KATNAL1: variants seen among roughly 807,000 people sequenced by gnomAD.
KATNAL1 encodes katanin catalytic subunit A1 like 1.
In KATNAL1, 32 loss-of-function variants were observed where a neutral mutation model predicts 55.2. That is an observed-to-expected ratio of 0.58 (90% confidence interval 0.44 to 0.78). The LOEUF (loss-of-function observed/expected upper bound fraction) is 0.78, where lower values mean the gene tolerates loss of function less well. KATNAL1 is among the 30% of genes least tolerant of loss of function. KATNAL1 has a pLI of 0.00. For synonymous variants in KATNAL1, 193 were observed against 193.6 expected, an observed-to-expected ratio of 1.00 and a Z score of 0.02; for missense variants, 466 against 600.9, an observed-to-expected ratio of 0.78 and a Z score of 2.35.
At chr13:30,275,482 A>G (rs867304368) in intron 3 of KATNAL1, among the ~76,000 whole-genome samples, 2 of 152,174 alleles carry the variant, frequency 1.3e-5, no homozygotes, top group South Asian at 2.1e-4. Context: ...CATCAAAACC[A>G]TATTACTCAC....
At chr13:30,283,550 T>A (rs1337931364) in intron 2 of KATNAL1, 66 bp downstream of exon 2, 2 of 1,442,074 alleles carry the variant, frequency 1.4e-6, no homozygotes, top group Non-Finnish European at 1.9e-6. Context: ...ATTTTCCAAC[T>A]CTAATCTCTC....
chr13:30,262,535 A>T (rs1199320653), intron 3 of KATNAL1, among the ~76,000 whole-genome samples: 4 of 152,198 alleles, frequency 2.6e-5, no homozygotes, highest in Non-Finnish European at 5.9e-5. Flanking sequence ...GGTAAAGGGG[A>T]TATCACCACC....
At chr13:30,288,753 T>C (rs1881953918) in intron 1 of KATNAL1, among the ~76,000 whole-genome samples, 1 of 152,204 alleles carries the variant, frequency 6.6e-6, no homozygotes, top group Non-Finnish European at 1.5e-5. Flanking sequence ...AAGTTTGCAA[T>C]AAAGCCTTAC....
intron 4 of KATNAL1, among the ~76,000 whole-genome samples, chr13:30,251,878 G>GA (rs1351083828): frequency 6.6e-6 from 1 of 152,120 alleles, no homozygotes; most frequent in Non-Finnish European, 1.5e-5. Context: ...CCTCAGGGGG[G>GA]AAAATGATAA....
intron 6 of KATNAL1, among the ~76,000 whole-genome samples, chr13:30,237,312 T>TA (rs1487044559): frequency 1.3e-5 from 2 of 152,190 alleles, no homozygotes; most frequent in Admixed American, 6.5e-5. Flanking sequence ...GAATCACATA[T>TA]AAATCCTCAA....
chr13:30,252,050 T>G (rs888657255), intron 4 of KATNAL1, among the ~76,000 whole-genome samples: 4 of 152,200 alleles, frequency 2.6e-5, no homozygotes, highest in African/African-American at 9.6e-5. Context: ...AAGAAGACAG[T>G]AAGCATTTTC....
intron 9 of KATNAL1, among the ~76,000 whole-genome samples, chr13:30,216,436 ATTGAG>A (rs1470451167): frequency 1.3e-5 from 2 of 152,122 alleles, no homozygotes; most frequent in East Asian, 1.9e-4. Flanking sequence ...CTGTTTCTGT[ATTGAG>A]TTATGTTTCA....
At chr13:30,231,245 A>G (rs1876062772) in intron 7 of KATNAL1, 69 bp downstream of exon 7, 7 of 1,251,220 alleles carry the variant, frequency 5.6e-6, no homozygotes, top group Non-Finnish European at 7.6e-6. Flanking sequence ...CCAGGTGGAC[A>G]GAACTGATTT....
rs1873291313 is a variant in KATNAL1, at chr13:30,207,840, C to T, written c.*700G>A. On this transcript the variant is annotated 3_prime_UTR_variant, in exon 11 of 11. Transcript: ENST00000380615. ...ATCTAATGCAGTAATATTCTTCCCA[C>T]CTTTCCATATTAAATGTAAGAAGCA... 6.6e-6 allele frequency: 1 copy of T among 152,144 alleles called. No individual in the cohort carries two copies. The highest frequency in any genetic ancestry group is 2.4e-5 in the African/African-American group (1 of 41,424). 9.4% of individuals were successfully genotyped at this position (152,144 alleles called of 1,614,324 possible). A position where few individuals can be genotyped will look rare whatever the true frequency, so the allele number is the denominator to read the frequency against.
intron 1 of KATNAL1, among the ~76,000 whole-genome samples, chr13:30,285,841 T>C (rs573353541): frequency 7.9e-5 from 12 of 152,340 alleles, no homozygotes; most frequent in South Asian, 4.1e-4. Flanking sequence ...GCTGAGGTGG[T>C]TGCAGATGAA....
At chr13:30,212,555 T>C (rs113307679) in intron 9 of KATNAL1, among the ~76,000 whole-genome samples, 7,578 of 152,232 alleles carry the variant, frequency 0.05, 284 homozygotes, top group African/African-American at 0.1. Flanking sequence ...CCAGCAAAGG[T>C]GCCACCAAGG....
intron 4 of KATNAL1, 51 bp downstream of exon 4, chr13:30,255,396 C>T (rs1416522867): frequency 2.1e-5 from 29 of 1,364,698 alleles, no homozygotes; most frequent in Non-Finnish European, 2.8e-5. Context: ...ATAACATCCA[C>T]CAAAAGTCCT....
chr13:30,304,285 T>TC (rs1375503063), intron 1 of KATNAL1, among the ~76,000 whole-genome samples: 4 of 147,336 alleles, frequency 2.7e-5, no homozygotes, highest in African/African-American at 9.8e-5. Context: ...TTTTTTTTTT[T>TC]CCTGACACGG....
At chr13:30,307,191 C>T (rs982293379) in intron 1 of KATNAL1, 140 bp downstream of exon 1, 63 of 152,454 alleles carry the variant, frequency 4.1e-4, no homozygotes, top group Admixed American at 4.1e-3. Flanking sequence ...CTCCCCGTCC[C>T]CGCACGGGAG....
chr13:30,296,879 C>A (rs1310329970), intron 1 of KATNAL1: 4 of 345,880 alleles, frequency 1.2e-5, no homozygotes, highest in Non-Finnish European at 1.7e-5. Flanking sequence ...CCCTGGAGGG[C>A]TAGGCCAAGG....
At chr13:30,266,499 A>C (rs17589789) in intron 3 of KATNAL1, among the ~76,000 whole-genome samples, 3,260 of 152,322 alleles carry the variant, frequency 0.021, 46 homozygotes, top group Non-Finnish European at 0.033. Context: ...GATAATATTA[A>C]ATTTCTCCTA....
chr13:30,288,944 ATAAG>A (rs1315838392), intron 1 of KATNAL1, among the ~76,000 whole-genome samples: 1 of 152,254 alleles, frequency 6.6e-6, no homozygotes, highest in Non-Finnish European at 1.5e-5. Context: ...AAGAAATAAA[ATAAG>A]TAACTGTAGA....
intron 4 of KATNAL1, among the ~76,000 whole-genome samples, chr13:30,244,536 C>T (rs1012220264): frequency 2.0e-5 from 3 of 152,044 alleles, no homozygotes; most frequent in Admixed American, 6.6e-5. Flanking sequence ...GTTTACAGTC[C>T]CACCAACAGT....
At chr13:30,274,886 C>G (rs1273872829) in intron 3 of KATNAL1, among the ~76,000 whole-genome samples, 1 of 123,844 alleles carries the variant, frequency 8.1e-6, no homozygotes, top group African/African-American at 3.1e-5. Flanking sequence ...TGTGTGCACA[C>G]ACATACGCGC....
Sources: allele counts gnomAD v4.1 joint callset (sites outside exome capture counted in the v4.1 genomes callset), GRCh38; gene constraint gnomAD v4.1.1; transcripts MANE v1.5; gene names NCBI Gene and HGNC (gene_info 2026-07-23, HGNC 2026-07-21).